DRC5: variants seen among roughly 807,000 people sequenced by gnomAD.
DRC5 encodes T-complex-associated testis-expressed protein 1.
chr6:44,281,606 A>T, the DRC5 span, among the ~76,000 whole-genome samples: 5,483 of 152,286 alleles, frequency 0.036, 134 homozygotes, highest in Middle Eastern at 0.051. Flanking sequence ...ACTGGTCTCG[A>T]ACTCCTGGCC....
chr6:44,290,084 T>C, the DRC5 span, among the ~76,000 whole-genome samples: 326 of 152,304 alleles, frequency 2.1e-3, 2 homozygotes, highest in African/African-American at 6.9e-3. Context: ...ACATCCCCTA[T>C]GCAAATCAAA....
chr6:44,284,577 C>T, the DRC5 span, among the ~76,000 whole-genome samples: 1 of 152,158 alleles, frequency 6.6e-6, no homozygotes, highest in Non-Finnish European at 1.5e-5. Context: ...ACTCTTCCCC[C>T]TCAAAACTGA....
chr6:44,292,480 T>C, the DRC5 span, among the ~76,000 whole-genome samples: 4 of 152,304 alleles, frequency 2.6e-5, no homozygotes, highest in Non-Finnish European at 5.9e-5. Flanking sequence ...ACACCCACAC[T>C]AGACTGTGAG....
At chr6:44,286,350 T>A in the DRC5 span, 1 of 1,613,984 alleles carries the variant, frequency 6.2e-7, no homozygotes, top group Non-Finnish European at 8.5e-7. Context: ...TCGAAGAACA[T>A]GCGTTTCCAG....
chr6:44,278,851 C>A, the DRC5 span: 2 of 143,442 alleles, frequency 1.4e-5, no homozygotes, highest in Admixed American at 7.4e-5. Context: ...ATTAGAACTT[C>A]TGCTAGCAGC....
At chr6:44,279,895 C>CACCT in the DRC5 span, 4 of 326,654 alleles carry the variant, frequency 1.2e-5, no homozygotes, top group African/African-American at 2.1e-5. Flanking sequence ...GTCCCTCAGA[C>CACCT]ACCTCTCTGA....
chr6:44,297,405 C>G, the DRC5 span, among the ~76,000 whole-genome samples: 1 of 152,196 alleles, frequency 6.6e-6, no homozygotes, highest in Non-Finnish European at 1.5e-5. Context: ...CAGCCCCGGG[C>G]CAGACGGTTT....
At chr6:44,291,790 T>C in the DRC5 span, among the ~76,000 whole-genome samples, 2 of 152,168 alleles carry the variant, frequency 1.3e-5, no homozygotes, top group African/African-American at 4.8e-5. Flanking sequence ...TGCCAGACTC[T>C]CCTACATCTG....
At chr6:44,287,864 T>G in the DRC5 span, 1 of 1,594,552 alleles carries the variant, frequency 6.3e-7, no homozygotes. Context: ...GGCCCCTGGA[T>G]GGCCTTATGA....
chr6:44,280,067 T>C, the DRC5 span: 1 of 965,400 alleles, frequency 1.0e-6, no homozygotes, highest in Admixed American at 2.0e-5. Flanking sequence ...CACTCCAAGG[T>C]TATTCACAGT....
At chr6:44,296,018 AAATT>A in the DRC5 span, among the ~76,000 whole-genome samples, 4 of 152,228 alleles carry the variant, frequency 2.6e-5, no homozygotes, top group African/African-American at 9.6e-5. Flanking sequence ...TTAAAATCTC[AAATT>A]AATTATTGAG....
the DRC5 span, among the ~76,000 whole-genome samples, chr6:44,288,993 CAAA>C: frequency 1.6e-3 from 53 of 32,802 alleles, no homozygotes; most frequent in African/African-American, 8.0e-3. Flanking sequence ...GACTCTGTCT[CAAA>C]AAAAAAAAAA....
chr6:44,289,183 C>A, the DRC5 span, among the ~76,000 whole-genome samples: 3 of 150,910 alleles, frequency 2.0e-5, no homozygotes, highest in Non-Finnish European at 4.4e-5. Flanking sequence ...ATTACAGGCG[C>A]CTGCCACCAC....
At chr6:44,295,433 G>A in the DRC5 span, among the ~76,000 whole-genome samples, 1 of 152,130 alleles carries the variant, frequency 6.6e-6, no homozygotes, top group African/African-American at 2.4e-5. Flanking sequence ...CCTCCCCTGG[G>A]CCCCTACTCT....
the DRC5 span, among the ~76,000 whole-genome samples, chr6:44,289,507 C>T: frequency 3.3e-4 from 50 of 152,256 alleles, no homozygotes; most frequent in Non-Finnish European, 5.9e-4. Context: ...GCTACTGTTT[C>T]AGAGAGTGCA....
chr6:44,284,006 C>T, the DRC5 span, among the ~76,000 whole-genome samples: 1 of 152,150 alleles, frequency 6.6e-6, no homozygotes, highest in African/African-American at 2.4e-5. Context: ...CTGGATGGAG[C>T]CTTACACTGG....
At chr6:44,285,987 T>A in the DRC5 span, 1 of 1,613,784 alleles carries the variant, frequency 6.2e-7, no homozygotes, top group Non-Finnish European at 8.5e-7. Flanking sequence ...CATGCCTTGA[T>A]GGCGGCTGCC....
At chr6:44,293,771 TC>T in the DRC5 span, among the ~76,000 whole-genome samples, 1 of 152,236 alleles carries the variant, frequency 6.6e-6, no homozygotes, top group Non-Finnish European at 1.5e-5. Context: ...CCTTTGGCAC[TC>T]CACTAGGGGA....
chr6:44,287,850 G>A, the DRC5 span: 2 of 1,606,756 alleles, frequency 1.2e-6, no homozygotes, highest in East Asian at 2.2e-5. Context: ...AGGTAGGGGT[G>A]CGTGGCCCCT....
Sources: gnomAD v4.1 joint callset for allele counts (sites outside exome capture counted in the v4.1 genomes callset) on GRCh38, gnomAD v4.1.1 for gene constraint, MANE v1.5 for transcripts, NCBI Gene and HGNC (gene_info 2026-07-23, HGNC 2026-07-21) for gene names.